The following ITPR1 variants were observed in gnomAD, a reference collection of about 807,000 sequenced individuals.
ITPR1 encodes the protein inositol 1,4,5-trisphosphate-gated calcium channel ITPR1.
ITPR1 carries 96 observed loss-of-function variants against 318.4 expected under a neutral mutation model. The observed-to-expected ratio is 0.30, with a 90% CI of 0.26 to 0.36. The LOEUF is 0.36. Ranked by LOEUF, ITPR1 falls within the 10% of genes least tolerant of loss-of-function variation. ITPR1 has a pLI of 1.00. For synonymous variants in ITPR1, 1,312 were observed against 1,289.9 expected, an observed-to-expected ratio of 1.02 and a Z score of -0.37; for missense variants, 2,440 against 3,460.2, an observed-to-expected ratio of 0.71 and a Z score of 7.40.
chr3:4,598,982 A>G (rs1469518194), intron 4 of ITPR1, among the ~76,000 whole-genome samples: 1 of 150,368 alleles, frequency 6.7e-6, no homozygotes, highest in Non-Finnish European at 1.5e-5. Context: ...GGTGTGGTCT[A>G]TAGTGCACAG....
At chr3:4,693,787 G>A (rs1320486813) in intron 33 of ITPR1, 46 bp downstream of exon 33, 1 of 1,559,560 alleles carries the variant, frequency 6.4e-7, no homozygotes, top group South Asian at 1.2e-5. Flanking sequence ...GCTATGTGGT[G>A]TGTGCTGTCG....
Position 4,733,114 on chromosome 3 carries a change from C to A in ITPR1, c.5247C>A (p.Val1749=). 1 of 1,613,516 alleles carries A rather than the reference C, an allele frequency of 6.2e-7. No individual in the cohort carries two copies. The highest frequency in any genetic ancestry group is 1.1e-5 in the South Asian group (1 of 90,932). The change falls in exon 43 of 62, where the codon GTC becomes GTA. Residue 1749 remains valine (V), a synonymous_variant. Coordinates refer to ENST00000649015, the MANE Select transcript of ITPR1 (RefSeq NM_001378452.1). The part of the protein sequence containing the change: ...KRGEALRQVL[V]NRYYGNVRPS... ...GTGAGGCGCTCAGGCAAGTTCTGGTCAACCGTTACTATGGAAACGTCAGAC... is the reference window on the plus strand; with the variant it reads ...GTGAGGCGCTCAGGCAAGTTCTGGTAAACCGTTACTATGGAAACGTCAGAC...
chr3:4,843,241 A>C (rs1215079579), intron 61 of ITPR1, among the ~76,000 whole-genome samples: 1 of 152,200 alleles, frequency 6.6e-6, no homozygotes, highest in Non-Finnish European at 1.5e-5. Context: ...ATGGTTAATC[A>C]AAAGAGTATC....
At chr3:4,679,431 T>G (rs1277762305) in intron 24 of ITPR1, among the ~76,000 whole-genome samples, 1 of 152,110 alleles carries the variant, frequency 6.6e-6, no homozygotes. Flanking sequence ...CCAGGGGAGC[T>G]GAAGGTGTAA....
chr3:4,800,268 G>T, intron 53 of ITPR1, 157 bp from the exon 54 acceptor site: 1 of 621,594 alleles, frequency 1.6e-6, no homozygotes, highest in South Asian at 2.4e-5. Flanking sequence ...AATGCTGATG[G>T]GACTGGTTAT....
chr3:4,667,579 GGTGTCTCT>G (rs762881721), intron 18 of ITPR1, 30 bp downstream of exon 18: 2 of 1,590,478 alleles, frequency 1.3e-6, no homozygotes, highest in South Asian at 2.3e-5. Flanking sequence ...CATGCAGGAT[GGTGTCTCT>G]GCCTGTAAGA....
chr3:4,504,268 G>A (rs953184547), intron 2 of ITPR1, among the ~76,000 whole-genome samples: 6 of 152,290 alleles, frequency 3.9e-5, no homozygotes, highest in African/African-American at 1.4e-4. Flanking sequence ...CTGAAAAAGC[G>A]AGTAGGTTTA....
In ITPR1 at chr3:4,710,844, G is replaced by A. The variant is rs1008194411; in HGVS notation, c.4991+371G>A. Among the ~76,000 whole-genome samples, 1 of 152,094 alleles carries A rather than the reference G, an allele frequency of 6.6e-6. No homozygotes were observed. Among genetic ancestry groups the A allele is most frequent in the African/African-American group, 2.4e-5 (1 of 41,406 alleles). ...CTCACCATCTTTTCCTAATAATTTT[G>A]TAATTTCTTAGTTTATGCCTTGTGC... On this transcript the variant is annotated intron_variant, in intron 38 of 61. Transcript: ENST00000649015. The surrounding 1 kb of genome is among the most constrained non-coding windows in gnomAD (Gnocchi z 4.2).
chr3:4,794,376 G>GC (rs1211891956), intron 52 of ITPR1, among the ~76,000 whole-genome samples: 44 of 152,272 alleles, frequency 2.9e-4, no homozygotes, highest in South Asian at 6.2e-4. Flanking sequence ...TCCTCTCTCT[G>GC]CCACAGCCCT....
chr3:4,846,098 G>GAAGT, intron 61 of ITPR1, 41 bp from the exon 62 acceptor site: 1 of 1,193,730 alleles, frequency 8.4e-7, no homozygotes, highest in Non-Finnish European at 1.2e-6. Flanking sequence ...TGACGTACAG[G>GAAGT]AAGTATCTGG....
intron 4 of ITPR1, among the ~76,000 whole-genome samples, chr3:4,603,112 A>C (rs780002898): frequency 2.0e-5 from 3 of 152,210 alleles, no homozygotes; most frequent in Non-Finnish European, 4.4e-5. Context: ...TTTTGACTAC[A>C]AAACAAGTGA....
intron 3 of ITPR1, among the ~76,000 whole-genome samples, chr3:4,517,835 C>T (rs2124920212): frequency 6.6e-6 from 1 of 152,292 alleles, no homozygotes; most frequent in East Asian, 1.9e-4. Context: ...ATGGTTGACT[C>T]TTTTACCCTC....
At chr3:4,776,420 C>T (rs563392607) in intron 47 of ITPR1, among the ~76,000 whole-genome samples, 5 of 152,188 alleles carry the variant, frequency 3.3e-5, no homozygotes, top group South Asian at 4.2e-4. Flanking sequence ...TGGAGAGAGA[C>T]GACCAAGGCT....
At chr3:4,619,486 C>T (rs2092512571) in intron 4 of ITPR1, among the ~76,000 whole-genome samples, 1 of 149,652 alleles carries the variant, frequency 6.7e-6, no homozygotes, top group African/African-American at 2.5e-5. Flanking sequence ...TCTCTCCTCA[C>T]TCCTCCCTCT....
intron 17 of ITPR1, among the ~76,000 whole-genome samples, chr3:4,666,915 A>G (rs2093959966): frequency 6.6e-6 from 1 of 152,204 alleles, no homozygotes; most frequent in African/African-American, 2.4e-5. Flanking sequence ...GACTTTAAAA[A>G]AGTATTTTTA....
intron 4 of ITPR1, among the ~76,000 whole-genome samples, chr3:4,552,177 G>A (rs2125000614): frequency 6.6e-6 from 1 of 152,278 alleles, no homozygotes; most frequent in African/African-American, 2.4e-5. Context: ...ACGGGGTGGG[G>A]GAAATTCTCC....
intron 52 of ITPR1, among the ~76,000 whole-genome samples, chr3:4,790,477 T>C (rs2047484684): frequency 6.6e-6 from 1 of 152,236 alleles, no homozygotes; most frequent in South Asian, 2.1e-4. Context: ...AAGATTTTAA[T>C]TGGCTTCAAA....
At position 4,652,171 on chromosome 3, in the gene ITPR1, C is replaced by T. The variant is rs574185072; in HGVS notation, c.904C>T (p.Leu302Phe). The T allele has an allele frequency of 6.2e-7, 1 of 1,613,092 alleles. No individual in the cohort carries two copies. The highest frequency in any genetic ancestry group is 1.1e-5 in the South Asian group (1 of 90,640). ...GGGCGGAGCAGGGTATTGGAACAGCCTTTTCCGTTTCAAGCATCTGGCCAC... is the reference window on the plus strand; with the variant it reads ...GGGCGGAGCAGGGTATTGGAACAGCTTTTTCCGTTTCAAGCATCTGGCCAC... ...CRGGAGYWNS[L>F]FRFKHLATGH... Residue 302 changes from leucine (L) to phenylalanine (F), a missense_variant, in exon 11 of 62, where the codon CTT (leucine) becomes TTT (phenylalanine). Physicochemically the swap from Leu to Phe is conservative, Grantham distance 22 (BLOSUM62 0). Transcript: ENST00000649015.
chr3:4,546,557 C>A (rs1488772352), intron 4 of ITPR1, among the ~76,000 whole-genome samples: 1 of 152,198 alleles, frequency 6.6e-6, no homozygotes, highest in African/African-American at 2.4e-5. Context: ...GTTCCTCTGA[C>A]CAGTCAGTAG....
Sources: allele counts gnomAD v4.1 joint callset (sites outside exome capture counted in the v4.1 genomes callset), GRCh38; gene constraint gnomAD v4.1.1; non-coding constraint Gnocchi (gnomAD v3.1); transcripts MANE v1.5; gene names NCBI Gene and HGNC (gene_info 2026-07-23, HGNC 2026-07-21).